Variants in NHEJ1 observed in about 807,000 individuals in gnomAD.
NHEJ1 encodes the protein non-homologous end-joining factor 1.
A neutral mutation model predicts 39.4 loss-of-function variants in NHEJ1; 22 were observed. The ratio of observed to expected loss-of-function variants is 0.56; its 90% confidence interval spans 0.40 to 0.80. NHEJ1 has a LOEUF of 0.80. Ranked by LOEUF, NHEJ1 falls within the 30% of genes least tolerant of loss-of-function variation. The pLI, the probability that NHEJ1 is intolerant of heterozygous loss-of-function variation, is 0.00. For synonymous variants in NHEJ1, 154 were observed against 135.6 expected (o/e 1.14, Z -0.94); for missense variants, 329 against 357.1 (o/e 0.92, Z 0.63).
intron 5 of NHEJ1, among the ~76,000 whole-genome samples, chr2:219,120,640 A>G (rs1017594762): frequency 2.6e-5 from 4 of 152,170 alleles, no homozygotes; most frequent in African/African-American, 9.7e-5. Flanking sequence ...AGAAGAGGCG[A>G]TATTTATTCA....
chr2:219,143,625 T>C (rs1949710571), intron 5 of NHEJ1, among the ~76,000 whole-genome samples: 1 of 152,194 alleles, frequency 6.6e-6, no homozygotes, highest in East Asian at 1.9e-4. Flanking sequence ...ACTACCTATC[T>C]CTCACTTCCT....
intron 5 of NHEJ1, among the ~76,000 whole-genome samples, chr2:219,085,713 C>G (rs1416587424): frequency 6.6e-6 from 1 of 152,096 alleles, no homozygotes; most frequent in South Asian, 2.1e-4. Context: ...TCATAGTCAA[C>G]TCACCCCCAC....
intron 5 of NHEJ1, 148 bp from the exon 6 acceptor site, chr2:219,078,354 G>A (rs563914034): frequency 1.3e-5 from 9 of 716,854 alleles, no homozygotes; most frequent in African/African-American, 1.2e-4. Flanking sequence ...CAAGCCTGGT[G>A]GCAACCAATA....
chr2:219,139,463 G>C (rs577905566), intron 5 of NHEJ1, among the ~76,000 whole-genome samples: 1 of 152,222 alleles, frequency 6.6e-6, no homozygotes, highest in Admixed American at 6.6e-5. Flanking sequence ...AGGCCACATA[G>C]CAAGAAATGG....
At chr2:219,078,478 C>CT (rs1436475345) in intron 5 of NHEJ1, among the ~76,000 whole-genome samples, 2 of 152,162 alleles carry the variant, frequency 1.3e-5, no homozygotes, top group Admixed American at 6.5e-5. Flanking sequence ...TTTCTAGGCT[C>CT]TTTTTCCAAA....
At chr2:219,093,994 A>G (rs1949184122) in intron 5 of NHEJ1, among the ~76,000 whole-genome samples, 1 of 152,230 alleles carries the variant, frequency 6.6e-6, no homozygotes, top group South Asian at 2.1e-4. Context: ...GAGAAAAATT[A>G]GTAAGTTCTG....
chr2:219,078,268 C>T, intron 5 of NHEJ1, 62 bp from the exon 6 acceptor site: 1 of 1,367,432 alleles, frequency 7.3e-7, no homozygotes, highest in Non-Finnish European at 1.0e-6. Context: ...CGATCTAATA[C>T]CCCACATGCA....
chr2:219,087,405 G>A (rs1414581844), intron 5 of NHEJ1, among the ~76,000 whole-genome samples: 2 of 151,484 alleles, frequency 1.3e-5, no homozygotes, highest in African/African-American at 2.4e-5. Flanking sequence ...GACTTGGTGC[G>A]AAGAGAGGAC....
At chr2:219,121,456 CTTAT>C (rs1949470287) in intron 5 of NHEJ1, among the ~76,000 whole-genome samples, 1 of 152,116 alleles carries the variant, frequency 6.6e-6, no homozygotes, top group South Asian at 2.1e-4. Flanking sequence ...TTGGATTTTT[CTTAT>C]TTATCCTATG....
chr2:219,149,190 C>A (rs1167622841), intron 3 of NHEJ1, among the ~76,000 whole-genome samples: 2 of 152,030 alleles, frequency 1.3e-5, no homozygotes, highest in East Asian at 1.9e-4. Flanking sequence ...AGCCCACACA[C>A]CCCATTTTTA....
intron 5 of NHEJ1, among the ~76,000 whole-genome samples, chr2:219,086,118 G>A (rs984396670): frequency 8.5e-5 from 13 of 152,104 alleles, no homozygotes; most frequent in Non-Finnish European, 1.8e-4. Flanking sequence ...TAGGTACTAG[G>A]CTATGCATTT....
At chr2:219,146,175 A>T (rs1574741010) in intron 5 of NHEJ1, among the ~76,000 whole-genome samples, 1 of 152,162 alleles carries the variant, frequency 6.6e-6, no homozygotes, top group African/African-American at 2.4e-5. Flanking sequence ...TCTACTCCCC[A>T]TTCATTCCTT....
At chr2:219,077,421 G>T in intron 6 of NHEJ1, 57 bp from the exon 7 acceptor site, 2 of 1,302,388 alleles carry the variant, frequency 1.5e-6, no homozygotes, top group Non-Finnish European at 2.2e-6. Context: ...TTACCAGGAA[G>T]ATATTAGCAT....
rs370955533 is a variant in NHEJ1, at chr2:219,072,879, G to A, written c.*3502C>T. On this transcript the variant is annotated 3_prime_UTR_variant, in exon 8 of 8. Transcript: ENST00000356853. Reference sequence around the variant, plus strand: ...TGCTCCTAGTGACAATGTAAGGAACGAAACCAGGAGGAGCAGCACAGCCTT... The same window carrying A: ...TGCTCCTAGTGACAATGTAAGGAACAAAACCAGGAGGAGCAGCACAGCCTT... Among the ~76,000 whole-genome samples, 4 of 152,112 alleles carry A rather than the reference G, an allele frequency of 2.6e-5. No homozygotes were observed. Among genetic ancestry groups the A allele is most frequent in the Admixed American group, 6.5e-5 (1 of 15,272 alleles).
At position 219,072,925 on chromosome 2, in the gene NHEJ1, G is replaced by A. The variant is rs1378773862; in HGVS notation, c.*3456C>T. 6.6e-6 allele frequency among the ~76,000 whole-genome samples: 1 copy of A among 152,134 alleles called. No homozygotes were observed. The highest frequency in any genetic ancestry group is 2.4e-5 in the African/African-American group (1 of 41,428). ...GCCTTTTCCATTCCCCACTCCTCCC[G>A]CCAGCTTTGTACAGAGTACACAAGG... On this transcript the variant is annotated 3_prime_UTR_variant, in exon 8 of 8. Coordinates refer to ENST00000356853, the MANE Select transcript of NHEJ1 (RefSeq NM_024782.3).
Position 219,115,153 on chromosome 2 carries a change from AAAGAAGAAGAAGAAGAAG to A in NHEJ1, c.588+31509_588+31526del, listed in dbSNP as rs138331690. Among the ~76,000 whole-genome samples the A allele has an allele frequency of 6.7e-5, 10 of 148,250 alleles. No individual in the cohort carries two copies. The East Asian group carries it at 9.9e-4, about 15-fold the overall frequency. On this transcript the variant is annotated intron_variant, in intron 5 of 7. Coordinates refer to ENST00000356853, the MANE Select transcript of NHEJ1 (RefSeq NM_024782.3). ...CCAAAAGAATCCCACCGTATTTTAAAAAGAAGAAGAAGAAGAAGAAGAAGAAGAAGAAAGGGGGCAGGG... is the reference window on the plus strand; with the variant it reads ...CCAAAAGAATCCCACCGTATTTTAAAAAGAAGAAGAAGAAAGGGGGCAGGG...
At chr2:219,150,632 C>A (rs1481956699) in intron 3 of NHEJ1, among the ~76,000 whole-genome samples, 1 of 152,090 alleles carries the variant, frequency 6.6e-6, no homozygotes, top group Non-Finnish European at 1.5e-5. Context: ...CCAGCCTGGG[C>A]AACATGGTGA....
At chr2:219,121,783 AC>A (rs1949473686) in intron 5 of NHEJ1, among the ~76,000 whole-genome samples, 3 of 151,630 alleles carry the variant, frequency 2.0e-5, no homozygotes, top group Non-Finnish European at 4.4e-5. Context: ...CCCTGATTGC[AC>A]CACCACACTC....
At chr2:219,097,124 A>G (rs903210368) in intron 5 of NHEJ1, among the ~76,000 whole-genome samples, 8 of 152,244 alleles carry the variant, frequency 5.3e-5, no homozygotes, top group Non-Finnish European at 2.9e-5. Context: ...GAAGGCTAAT[A>G]TAAGTGTTCT....
Sources: allele counts gnomAD v4.1 joint callset (sites outside exome capture counted in the v4.1 genomes callset), GRCh38; gene constraint gnomAD v4.1.1; transcripts MANE v1.5; gene names NCBI Gene and HGNC (gene_info 2026-07-23, HGNC 2026-07-21).